Variants in PTPRK observed in about 807,000 individuals in gnomAD.
PTPRK encodes receptor-type tyrosine-protein phosphatase kappa.
Under a neutral mutation model 178.0 loss-of-function variants are expected in PTPRK, and 75 were observed. The ratio of observed to expected loss-of-function variants is 0.42; its 90% CI spans 0.35 to 0.51. PTPRK has a LOEUF of 0.51. Among genes scored for constraint, PTPRK ranks in the 20% least tolerant of loss-of-function variants. The pLI is 0.02. For synonymous variants in PTPRK, 637 were observed against 620.6 expected (o/e 1.03, Z -0.39); for missense variants, 1,441 against 1,797.8 (o/e 0.80, Z 3.59).
chr6:128,323,730 A>C (rs369097818), intron 2 of PTPRK, among the ~76,000 whole-genome samples: 17 of 152,266 alleles, frequency 1.1e-4, no homozygotes, highest in Admixed American at 5.9e-4. Context: ...GTAACACTTC[A>C]GTATAATCGA....
intron 3 of PTPRK, among the ~76,000 whole-genome samples, chr6:128,298,096 C>A (rs1028819778): frequency 2.6e-5 from 4 of 152,086 alleles, no homozygotes; most frequent in Admixed American, 2.6e-4. Context: ...GAGAATACTA[C>A]AAACACCTCT....
chr6:128,196,717 T>A (rs1351898810), intron 6 of PTPRK, among the ~76,000 whole-genome samples: 1 of 152,186 alleles, frequency 6.6e-6, no homozygotes, highest in Non-Finnish European at 1.5e-5. Context: ...CTTTCACAGC[T>A]ACTGTTCCTA....
intron 3 of PTPRK, among the ~76,000 whole-genome samples, chr6:128,312,819 A>T (rs1827436436): frequency 6.6e-6 from 1 of 151,866 alleles, no homozygotes; most frequent in Non-Finnish European, 1.5e-5. Context: ...CTAAGAACTT[A>T]GCACTTGGTT....
At chr6:128,371,889 A>G (rs72974022) in intron 2 of PTPRK, among the ~76,000 whole-genome samples, 8,214 of 150,594 alleles carry the variant, frequency 0.055, 267 homozygotes, top group Non-Finnish European at 0.067. Flanking sequence ...AAAAAAAAAA[A>G]AGAGAGAGAG....
chr6:128,034,497 C>CA (rs1476321684), intron 13 of PTPRK, among the ~76,000 whole-genome samples: 2 of 151,970 alleles, frequency 1.3e-5, no homozygotes, highest in Admixed American at 1.3e-4. Context: ...GCAGTCAGTA[C>CA]AAAATTATTA....
chr6:128,060,584 G>A (rs1194090947), intron 13 of PTPRK, among the ~76,000 whole-genome samples: 1 of 152,076 alleles, frequency 6.6e-6, no homozygotes, highest in African/African-American at 2.4e-5. Flanking sequence ...AGAAGCTATA[G>A]AATATGGTCA....
intron 3 of PTPRK, among the ~76,000 whole-genome samples, chr6:128,300,213 C>T (rs1368303178): frequency 1.3e-5 from 2 of 152,006 alleles, no homozygotes; most frequent in African/African-American, 4.8e-5. Context: ...ATTAAAAAAT[C>T]AGGAAACAAC....
intron 7 of PTPRK, among the ~76,000 whole-genome samples, chr6:128,169,021 T>C (rs1799819486): frequency 6.6e-6 from 1 of 152,084 alleles, no homozygotes; most frequent in Non-Finnish European, 1.5e-5. Context: ...GGAATCTTTT[T>C]TTCTTGAAGT....
intron 3 of PTPRK, among the ~76,000 whole-genome samples, chr6:128,244,359 T>C (rs1034729960): frequency 6.6e-6 from 1 of 152,010 alleles, no homozygotes. Flanking sequence ...AAAGTTAAAG[T>C]GATTGGTGAG....
intron 3 of PTPRK, among the ~76,000 whole-genome samples, chr6:128,281,139 C>G (rs1221225091): frequency 2.6e-5 from 4 of 152,086 alleles, no homozygotes; most frequent in African/African-American, 9.7e-5. Flanking sequence ...CTGCTGACCC[C>G]TGTAACATGA....
intron 1 of PTPRK, among the ~76,000 whole-genome samples, chr6:128,507,477 T>C (rs1334643097): frequency 6.6e-6 from 1 of 152,144 alleles, no homozygotes; most frequent in Non-Finnish European, 1.5e-5. Context: ...CCCTTCATAA[T>C]GAATGACCAA....
At chr6:128,321,045 A>T (rs1010217017) in intron 3 of PTPRK, 1 of 152,188 alleles carries the variant, frequency 6.6e-6, no homozygotes, top group Admixed American at 6.6e-5. Flanking sequence ...AGACAAAGCA[A>T]TTAAAGCAAA....
intron 6 of PTPRK, among the ~76,000 whole-genome samples, chr6:128,215,126 C>T (rs1411070461): frequency 6.6e-6 from 1 of 150,662 alleles, no homozygotes; most frequent in Non-Finnish European, 1.5e-5. Flanking sequence ...TGTAGTTTCA[C>T]AGGTAAAAAT....
At chr6:128,146,805 C>T (rs775525648) in intron 7 of PTPRK, among the ~76,000 whole-genome samples, 1 of 152,078 alleles carries the variant, frequency 6.6e-6, no homozygotes, top group East Asian at 1.9e-4. Context: ...TTCTAATCTG[C>T]AAATATCACA....
intron 13 of PTPRK, among the ~76,000 whole-genome samples, chr6:128,039,009 T>A (rs1413384888): frequency 6.6e-6 from 1 of 152,176 alleles, no homozygotes; most frequent in African/African-American, 2.4e-5. Flanking sequence ...TTCTAACATA[T>A]TGTTTGGAAT....
At chr6:128,257,742 C>T (rs553891406) in intron 3 of PTPRK, among the ~76,000 whole-genome samples, 1 of 152,198 alleles carries the variant, frequency 6.6e-6, no homozygotes, top group African/African-American at 2.4e-5. Flanking sequence ...TAAACATTGT[C>T]TTCACTCTAA....
At chr6:128,254,837 T>A (rs1817023993) in intron 3 of PTPRK, among the ~76,000 whole-genome samples, 1 of 152,160 alleles carries the variant, frequency 6.6e-6, no homozygotes, top group South Asian at 2.1e-4. Flanking sequence ...AAAAATGGGT[T>A]GAAGCAGAGA....
In PTPRK at chr6:128,432,044, CG is replaced by C. The variant is rs530081043; in HGVS notation, c.101-34357del. Among the ~76,000 whole-genome samples, 303 of 152,230 alleles carry C rather than the reference CG, an allele frequency of 2.0e-3. 1 individual carries two copies. Among genetic ancestry groups the C allele is most frequent in the African/African-American group, 7.1e-3 (295 of 41,560 alleles). Reference sequence around the variant, plus strand: ...AAGGAAGGAAGGAAGAGAAAAAGCACGGTTGAAAATACAGCTCCTTAGAGTC... The same window carrying C: ...AAGGAAGGAAGGAAGAGAAAAAGCACGTTGAAAATACAGCTCCTTAGAGTC... On this transcript the variant is annotated intron_variant, in intron 1 of 29. Coordinates refer to ENST00000368226, the MANE Select transcript of PTPRK (RefSeq NM_002844.4).
intron 13 of PTPRK, among the ~76,000 whole-genome samples, chr6:128,059,895 A>T (rs6569521): frequency 0.86 from 131,121 of 152,182 alleles, 56,655 homozygotes; most frequent in East Asian, 1. Flanking sequence ...AATAGTTTGT[A>T]ACTTTTAAAG....
Sources: allele counts gnomAD v4.1 joint callset (sites outside exome capture counted in the v4.1 genomes callset), GRCh38; gene constraint gnomAD v4.1.1; transcripts MANE v1.5; gene names NCBI Gene and HGNC (gene_info 2026-07-23, HGNC 2026-07-21).